Variants in ELMO1 observed in about 807,000 individuals in gnomAD.
ELMO1 encodes the protein engulfment and cell motility protein 1.
ELMO1 carries 26 observed loss-of-function variants against 98.9 expected under a neutral mutation model. The ratio of observed to expected loss-of-function variants is 0.26; its 90% CI spans 0.19 to 0.36. The LOEUF is 0.36. ELMO1 is among the 10% of genes least tolerant of loss of function. The pLI, the probability that ELMO1 is intolerant of heterozygous loss-of-function variation, is 1.00. For synonymous variants in ELMO1, 346 were observed against 346.0 expected, an observed-to-expected ratio of 1.00 and a Z score of 0.00; for missense variants, 627 against 935.2, an observed-to-expected ratio of 0.67 and a Z score of 4.30.
At chr7:37,345,399 G>A (rs952920894) in intron 1 of ELMO1, among the ~76,000 whole-genome samples, 27 of 152,020 alleles carry the variant, frequency 1.8e-4, no homozygotes, top group African/African-American at 5.6e-4. Context: ...AAGGTTCACC[G>A]AGAAGGCAGC....
chr7:37,150,209 A>G (rs1788263389), intron 13 of ELMO1, among the ~76,000 whole-genome samples: 1 of 152,056 alleles, frequency 6.6e-6, no homozygotes. Context: ...CCTCCCTTCA[A>G]TATACTTCTT....
At chr7:37,416,755 T>C (rs1583720379) in intron 1 of ELMO1, among the ~76,000 whole-genome samples, 2 of 152,238 alleles carry the variant, frequency 1.3e-5, no homozygotes, top group Non-Finnish European at 2.9e-5. Flanking sequence ...ATTTCTGTTA[T>C]AGGTCAGCTG....
chr7:36,963,690 G>GT (rs1472333665), intron 16 of ELMO1, among the ~76,000 whole-genome samples: 3 of 152,238 alleles, frequency 2.0e-5, no homozygotes, highest in East Asian at 3.9e-4. Context: ...CTGAAATTTC[G>GT]TAACAGTGTT....
At chr7:37,216,937 T>C (rs564565492) in intron 10 of ELMO1, among the ~76,000 whole-genome samples, 1 of 152,340 alleles carries the variant, frequency 6.6e-6, no homozygotes, top group South Asian at 2.1e-4. Flanking sequence ...TTCTTTTCTT[T>C]AGGAATTTCT....
At chr7:37,024,169 G>T (rs912290822) in intron 15 of ELMO1, among the ~76,000 whole-genome samples, 1 of 151,812 alleles carries the variant, frequency 6.6e-6, no homozygotes, top group East Asian at 1.9e-4. Context: ...CTAGCAAGAC[G>T]GTCACGAGCA....
intron 16 of ELMO1, among the ~76,000 whole-genome samples, chr7:36,956,256 C>T (rs1035829315): frequency 1.3e-5 from 2 of 152,138 alleles, no homozygotes; most frequent in African/African-American, 4.8e-5. Context: ...GAGGTGCCTG[C>T]CATGGGACTA....
At chr7:36,954,205 T>C (rs1467128156) in intron 16 of ELMO1, among the ~76,000 whole-genome samples, 3 of 152,144 alleles carry the variant, frequency 2.0e-5, no homozygotes, top group Admixed American at 6.5e-5. Flanking sequence ...TTCACAGCAA[T>C]GCTGCAGCCC....
At chr7:37,421,818 A>C (rs1218063287) in intron 1 of ELMO1, among the ~76,000 whole-genome samples, 3 of 152,226 alleles carry the variant, frequency 2.0e-5, no homozygotes, top group Non-Finnish European at 4.4e-5. Flanking sequence ...GGGCTGGCCA[A>C]AAGGGTTAAC....
intron 2 of ELMO1, among the ~76,000 whole-genome samples, chr7:37,335,014 T>C (rs1426681301): frequency 6.6e-6 from 1 of 152,136 alleles, no homozygotes; most frequent in Non-Finnish European, 1.5e-5. Flanking sequence ...CGGAGATCAA[T>C]GTGATGAACC....
intron 21 of ELMO1, among the ~76,000 whole-genome samples, chr7:36,856,414 C>T (rs1802201027): frequency 6.6e-6 from 1 of 152,202 alleles, no homozygotes. Flanking sequence ...GGCTGCCTGT[C>T]TGGGGACCTC....
intron 1 of ELMO1, among the ~76,000 whole-genome samples, chr7:37,446,414 G>T (rs1805620634): frequency 6.6e-6 from 1 of 152,156 alleles, no homozygotes; most frequent in Non-Finnish European, 1.5e-5. Context: ...GTGTCTGGCT[G>T]CTATTTTATA....
At chr7:37,052,877 C>T (rs1003421563) in intron 15 of ELMO1, among the ~76,000 whole-genome samples, 2 of 152,120 alleles carry the variant, frequency 1.3e-5, no homozygotes, top group East Asian at 1.9e-4. Context: ...CACCAACCCC[C>T]CAGGTCGTGT....
Position 36,914,811 on chromosome 7 carries a change from C to T in ELMO1, c.1438-19794G>A, listed in dbSNP as rs898439974. Among the ~76,000 whole-genome samples the T allele has an allele frequency of 2.6e-5, 4 of 151,970 alleles. 1 individual carries two copies. Among genetic ancestry groups the T allele is most frequent in the Non-Finnish European group, 5.9e-5 (4 of 67,994 alleles). On this transcript the variant is annotated intron_variant, in intron 16 of 21. Transcript: ENST00000310758. Reference sequence around the variant, plus strand: ...ACAGGTATGAGCCACCGCACCCAGCCGAAATGAAATGTACATTCTTAACTC... The same window carrying T: ...ACAGGTATGAGCCACCGCACCCAGCTGAAATGAAATGTACATTCTTAACTC...
chr7:37,116,065 T>C (rs1785567215), intron 14 of ELMO1, among the ~76,000 whole-genome samples: 1 of 152,126 alleles, frequency 6.6e-6, no homozygotes, highest in South Asian at 2.1e-4. Context: ...TGTCTATTAA[T>C]TAAAAAATTA....
chr7:37,377,012 T>C (rs1375825011), intron 1 of ELMO1, among the ~76,000 whole-genome samples: 1 of 152,210 alleles, frequency 6.6e-6, no homozygotes, highest in East Asian at 1.9e-4. Context: ...GAAATATGCA[T>C]GTAATATACC....
intron 13 of ELMO1, among the ~76,000 whole-genome samples, chr7:37,159,433 G>A (rs879717339): frequency 1.1e-4 from 17 of 152,190 alleles, no homozygotes; most frequent in Non-Finnish European, 1.9e-4. Flanking sequence ...GGGCACGGTG[G>A]CTCATGCCTG....
intron 16 of ELMO1, among the ~76,000 whole-genome samples, chr7:36,937,208 A>G (rs1786612816): frequency 6.6e-6 from 1 of 152,232 alleles, no homozygotes; most frequent in African/African-American, 2.4e-5. Flanking sequence ...TTGCAGATGT[A>G]ATTAGTTACG....
chr7:37,380,000 A>G (rs1802518968), intron 1 of ELMO1, among the ~76,000 whole-genome samples: 1 of 152,176 alleles, frequency 6.6e-6, no homozygotes, highest in South Asian at 2.1e-4. Flanking sequence ...TATGTTGCAT[A>G]TATGTTTACC....
intron 19 of ELMO1, among the ~76,000 whole-genome samples, chr7:36,877,258 T>C (rs1364396969): frequency 6.6e-6 from 1 of 152,216 alleles, no homozygotes; most frequent in African/African-American, 2.4e-5. Flanking sequence ...ATTTTTCTAC[T>C]TGGGATATCC....
Sources: allele counts gnomAD v4.1 joint callset (sites outside exome capture counted in the v4.1 genomes callset), GRCh38; gene constraint gnomAD v4.1.1; transcripts MANE v1.5; gene names NCBI Gene and HGNC (gene_info 2026-07-23, HGNC 2026-07-21).